Variants in FARP1 observed in about 807,000 individuals in gnomAD.
FARP1 encodes the protein FERM, ARH/RhoGEF and pleckstrin domain protein 1.
In FARP1, 52 loss-of-function variants were observed where a neutral mutation model predicts 128.8. The ratio of observed to expected loss-of-function variants is 0.40; its 90% CI spans 0.32 to 0.51. FARP1 has a LOEUF of 0.51. Among genes scored for constraint, FARP1 ranks in the 20% least tolerant of loss-of-function variants. FARP1 has a pLI of 0.45. For synonymous variants in FARP1, 580 were observed against 551.8 expected (o/e 1.05, Z -0.72); for missense variants, 1,333 against 1,367.9 (o/e 0.97, Z 0.40).
At chr13:98,307,728 C>G (rs1886229208) in intron 2 of FARP1, among the ~76,000 whole-genome samples, 1 of 152,168 alleles carries the variant, frequency 6.6e-6, no homozygotes, top group Admixed American at 6.5e-5. Context: ...TAGATCTTTG[C>G]AATTACTAAC....
At chr13:98,245,166 T>G in intron 2 of FARP1, 1 of 992,164 alleles carries the variant, frequency 1.0e-6, no homozygotes, top group Non-Finnish European at 1.2e-6. Flanking sequence ...GGGTTTAGTT[T>G]TTAAAAGGAG....
chr13:98,293,061 G>A (rs185033958), intron 2 of FARP1, among the ~76,000 whole-genome samples: 185 of 152,234 alleles, frequency 1.2e-3, no homozygotes, highest in African/African-American at 3.9e-3. Flanking sequence ...AAAGTCCCCC[G>A]TTTGTGTCGG....
chr13:98,387,534 A>T (rs1890141214), intron 8 of FARP1, among the ~76,000 whole-genome samples: 1 of 152,142 alleles, frequency 6.6e-6, no homozygotes, highest in African/African-American at 2.4e-5. Flanking sequence ...CTATTGCTTC[A>T]TTCTTGCCAC....
chr13:98,410,842 CA>C lies in FARP1; in HGVS notation c.1692+23del. The C allele has an allele frequency of 2.3e-6, 3 of 1,301,264 alleles. No homozygotes were observed. Among genetic ancestry groups the C allele is most frequent in the Non-Finnish European group, 3.3e-6 (3 of 904,992 alleles). 80.6% of individuals were successfully genotyped at this position (1,301,264 alleles called of 1,614,324 possible). A position where few individuals can be genotyped will look rare whatever the true frequency, so the allele number is the denominator to read the frequency against. On this transcript the variant is annotated intron_variant, in intron 15 of 26. Coordinates refer to ENST00000319562, the MANE Select transcript of FARP1 (RefSeq NM_005766.4). ...CACTTCGGTATGTGCAGTATTTCCC[CA>C]AAAGCATTCGATTACATGATTTATC...
chr13:98,328,766 C>T (rs962649802), intron 2 of FARP1: 21 of 152,236 alleles, frequency 1.4e-4, no homozygotes, highest in Non-Finnish European at 4.4e-5. Flanking sequence ...CTGATCTGCT[C>T]ACCGAGGTGG....
chr13:98,197,788 C>T (rs1879665273), intron 1 of FARP1, among the ~76,000 whole-genome samples: 2 of 151,898 alleles, frequency 1.3e-5, no homozygotes, highest in African/African-American at 4.8e-5. Flanking sequence ...GCACCCGCCA[C>T]CACGCCCGGC....
chr13:98,226,496 G>T (rs901955814), intron 2 of FARP1, among the ~76,000 whole-genome samples: 1 of 150,364 alleles, frequency 6.7e-6, no homozygotes, highest in South Asian at 2.1e-4. Context: ...TTTTGTGGAG[G>T]AGGGGAGATG....
chr13:98,417,052 A>C (rs1189501425), intron 16 of FARP1, among the ~76,000 whole-genome samples: 1 of 152,186 alleles, frequency 6.6e-6, no homozygotes. Flanking sequence ...TGAGACAGTG[A>C]GGAAGGAGAG....
rs113209502 is a variant in FARP1, at chr13:98,453,221, G to A, written c.*4904G>A. 1 of 1,513,862 alleles carries A rather than the reference G, an allele frequency of 6.6e-7. No individual in the cohort carries two copies. Among genetic ancestry groups the A allele is most frequent in the Admixed American group, 1.8e-5 (1 of 55,528 alleles). The allele number at this position is 1,513,862 out of a possible 1,614,324, so 93.8% of individuals were successfully genotyped here. A position where few individuals can be genotyped will look rare whatever the true frequency, so the allele number is the denominator to read the frequency against. On this transcript the variant is annotated 3_prime_UTR_variant, in exon 27 of 27. Coordinates refer to ENST00000319562, the MANE Select transcript of FARP1 (RefSeq NM_005766.4). ...CACTTAGAGAGTATCTAGGGAAAAAGAGAGAGAGAGAAGTCAACACATGTC... is the reference window on the plus strand; with the variant it reads ...CACTTAGAGAGTATCTAGGGAAAAAAAGAGAGAGAGAAGTCAACACATGTC...
chr13:98,302,884 C>CA (rs1566852511), intron 2 of FARP1, among the ~76,000 whole-genome samples: 1 of 152,038 alleles, frequency 6.6e-6, no homozygotes, highest in Non-Finnish European at 1.5e-5. Flanking sequence ...AGAGAGAGAG[C>CA]AGGGAGTATC....
intron 2 of FARP1, among the ~76,000 whole-genome samples, chr13:98,339,908 A>C (rs1177273647): frequency 6.6e-6 from 1 of 152,016 alleles, no homozygotes; most frequent in Admixed American, 6.6e-5. Context: ...CTGGGGCGGC[A>C]AGGCTGCAGG....
At chr13:98,411,357 C>T (rs914844241) in intron 15 of FARP1, among the ~76,000 whole-genome samples, 1 of 152,176 alleles carries the variant, frequency 6.6e-6, no homozygotes, top group Non-Finnish European at 1.5e-5. Flanking sequence ...AAATTGGGAT[C>T]ACTGAGTTTC....
intron 2 of FARP1, among the ~76,000 whole-genome samples, chr13:98,218,359 G>A (rs1168248946): frequency 1.3e-5 from 2 of 152,096 alleles, no homozygotes; most frequent in African/African-American, 4.8e-5. Context: ...CATTATTCCT[G>A]GTGCAGTGAC....
intron 2 of FARP1, among the ~76,000 whole-genome samples, chr13:98,295,584 G>A (rs1885651888): frequency 6.6e-6 from 1 of 152,142 alleles, no homozygotes; most frequent in African/African-American, 2.4e-5. Flanking sequence ...TTCTGGCTGG[G>A]TGAGTCAGTT....
rs778448591 is a variant in FARP1, at chr13:98,365,379, C to A, written c.277-16C>A. The A allele has an allele frequency of 2.4e-5, 39 of 1,602,716 alleles. No individual in the cohort carries two copies. In the South Asian group the frequency reaches 3.7e-4, roughly 15 times the overall value. On this transcript the variant is annotated splice_polypyrimidine_tract_variant and intron_variant, in intron 3 of 26. Transcript: ENST00000319562. ...TTGAGAACTTAGGTCTTAATCTGTT[C>A]TTTTTTCCCTTCTAGGTGTGGCTGG...
At chr13:98,246,713 A>G (rs546424360) in intron 2 of FARP1, among the ~76,000 whole-genome samples, 10 of 152,352 alleles carry the variant, frequency 6.6e-5, no homozygotes, top group African/African-American at 2.4e-4. Flanking sequence ...AATTTTAACC[A>G]GGTACTTACA....
chr13:98,287,450 C>T (rs899056181), intron 2 of FARP1, among the ~76,000 whole-genome samples: 15 of 151,704 alleles, frequency 9.9e-5, no homozygotes, highest in African/African-American at 2.9e-4. Flanking sequence ...AGGATGGTCT[C>T]AATCTCCTGA....
chr13:98,421,464 TAGA>T (rs1891589955), intron 16 of FARP1, among the ~76,000 whole-genome samples: 1 of 152,206 alleles, frequency 6.6e-6, no homozygotes, highest in Non-Finnish European at 1.5e-5. Flanking sequence ...AGACTCTCAC[TAGA>T]ATATCTAAAT....
At chr13:98,175,833 C>A in intron 1 of FARP1, 2 of 290,946 alleles carry the variant, frequency 6.9e-6, no homozygotes, top group Non-Finnish European at 1.3e-5. Context: ...CTTCAAGGTT[C>A]ATTCTAGTTG....
Sources: allele counts gnomAD v4.1 joint callset (sites outside exome capture counted in the v4.1 genomes callset), GRCh38; gene constraint gnomAD v4.1.1; transcripts MANE v1.5; gene names NCBI Gene and HGNC (gene_info 2026-07-23, HGNC 2026-07-21).